The following ACO1 variants were observed in gnomAD, a reference collection of about 807,000 sequenced individuals.
The protein encoded by ACO1 is cytoplasmic aconitate hydratase.
A neutral mutation model predicts 105.1 loss-of-function variants in ACO1; 78 were observed. The ratio of observed to expected loss-of-function variants is 0.74; its 90% CI spans 0.62 to 0.90. ACO1 has a LOEUF of 0.90. ACO1 is among the 40% of genes least tolerant of loss of function. ACO1 has a pLI of 0.00. For synonymous variants in ACO1, 364 were observed against 397.4 expected (o/e 0.92, Z 1.00); for missense variants, 965 against 1,111.1 (o/e 0.87, Z 1.87).
At chr9:32,432,013 G>A (rs1031154578) in intron 15 of ACO1, among the ~76,000 whole-genome samples, 170 bp downstream of exon 15, 3 of 152,148 alleles carry the variant, frequency 2.0e-5, no homozygotes, top group African/African-American at 7.2e-5. Context: ...CCTGTGACTC[G>A]CATTTTTACA....
chr9:32,447,328 C>G (rs1180374251), intron 19 of ACO1, among the ~76,000 whole-genome samples: 2 of 152,150 alleles, frequency 1.3e-5, no homozygotes, highest in East Asian at 3.9e-4. Context: ...TCTTCAATCT[C>G]TGATATCTTT....
chr9:32,448,549 G>T (rs890328599), intron 19 of ACO1, among the ~76,000 whole-genome samples: 1 of 152,156 alleles, frequency 6.6e-6, no homozygotes, highest in Non-Finnish European at 1.5e-5. Context: ...GCAGTATCTG[G>T]GCCAGAGTGC....
At chr9:32,408,000 C>T (rs1251156860) in intron 3 of ACO1, among the ~76,000 whole-genome samples, 1 of 152,114 alleles carries the variant, frequency 6.6e-6, no homozygotes, top group Non-Finnish European at 1.5e-5. Context: ...TCTAGAGACC[C>T]AGTTTCATTT....
At chr9:32,399,807 A>T (rs1176540814) in intron 1 of ACO1, among the ~76,000 whole-genome samples, 4 of 148,536 alleles carry the variant, frequency 2.7e-5, no homozygotes, top group Admixed American at 6.7e-5. Flanking sequence ...AGGTCTAGTG[A>T]TTTTTTTTTT....
chr9:32,404,089 C>T (rs529184159), intron 1 of ACO1, among the ~76,000 whole-genome samples: 10 of 152,288 alleles, frequency 6.6e-5, no homozygotes, highest in Admixed American at 2.0e-4. Flanking sequence ...GCTTTCCCCT[C>T]TCCTGATTGG....
chr9:32,423,524 C>T, intron 9 of ACO1, 105 bp downstream of exon 9: 1 of 783,718 alleles, frequency 1.3e-6, no homozygotes, highest in Non-Finnish European at 2.1e-6. Flanking sequence ...TTAGTCACTG[C>T]CAAGGCATTA....
Position 32,419,089 on chromosome 9 carries a change from T to C in ACO1, c.710T>C (p.Met237Thr). ...EAVMLGQPIS[M>T]VLPQVIGYRL... The stretch of plus-strand genomic sequence containing the variant: ...GTCATGCTGGGTCAGCCAATCAGTA[T>C]GGTGCTTCCTCAGGTGATTGGCTAC... Residue 237 changes from methionine to threonine, a missense_variant, in exon 7 of 21, where the codon ATG (methionine) becomes ACG (threonine). By Grantham distance (81) the Met-to-Thr change is moderately conservative. Coordinates refer to ENST00000309951, the MANE Select transcript of ACO1 (RefSeq NM_002197.3). 5 of 1,610,252 alleles carry C rather than the reference T, an allele frequency of 3.1e-6. No homozygotes were observed. Among genetic ancestry groups the C allele is most frequent in the Non-Finnish European group, 4.2e-6 (5 of 1,178,142 alleles).
At position 32,430,510 on chromosome 9, in the gene ACO1, C is replaced by G; in HGVS notation, c.1662C>G (p.Pro554=). 6.2e-7 allele frequency: 1 copy of G among 1,611,402 alleles called. No individual in the cohort carries two copies. The change falls in exon 14 of 21, where the codon CCC becomes CCG. Residue 554 remains proline (P), a synonymous_variant. Transcript: ENST00000309951. ...PNTRANYLAS[P]PLVIAYAIAG... Reference sequence around the variant, plus strand: ...CCCGGGCCAACTATTTAGCCTCTCCCCCCTTAGTAATAGCATATGCAATTG... The same window carrying G: ...CCCGGGCCAACTATTTAGCCTCTCCGCCCTTAGTAATAGCATATGCAATTG...
chr9:32,424,506 G>C (rs746087542), intron 9 of ACO1, 43 bp from the exon 10 acceptor site: 1 of 1,354,870 alleles, frequency 7.4e-7, no homozygotes, highest in Admixed American at 1.9e-5. Context: ...CTCTTTGTGG[G>C]TATAATGTAA....
intron 18 of ACO1, 35 bp from the exon 19 acceptor site, chr9:32,440,430 C>T (rs778091928): frequency 1.9e-6 from 3 of 1,612,410 alleles, no homozygotes; most frequent in South Asian, 2.2e-5. Flanking sequence ...CTTTGCCTCT[C>T]CTGCATCTGT....
At position 32,454,697 on chromosome 9, in the gene ACO1, T is replaced by G. The variant is rs148609221; in HGVS notation, c.*4586T>G. 6.6e-6 allele frequency: 1 copy of G among 152,348 alleles called. No homozygotes were observed. Among genetic ancestry groups the G allele is most frequent in the Non-Finnish European group, 1.5e-5 (1 of 68,024 alleles). 9.4% of individuals were successfully genotyped at this position (152,348 alleles called of 1,614,324 possible). On this transcript the variant is annotated 3_prime_UTR_variant, in exon 21 of 21. Coordinates refer to ENST00000309951, the MANE Select transcript of ACO1 (RefSeq NM_002197.3). ...GCTCATTTCTTTCATTCAATACATA[T>G]TAACCAAGTGCCTACTTTGTTTGAG...
At chr9:32,431,885 G>A in intron 15 of ACO1, 42 bp downstream of exon 15, 1 of 1,610,200 alleles carries the variant, frequency 6.2e-7, no homozygotes, top group Non-Finnish European at 8.5e-7. Flanking sequence ...AGGATCTAAG[G>A]GAAAGCTGCT....
chr9:32,438,260 A>G (rs1353807921), intron 18 of ACO1, among the ~76,000 whole-genome samples: 1 of 152,242 alleles, frequency 6.6e-6, no homozygotes, highest in Non-Finnish European at 1.5e-5. Context: ...GTGCACTTAA[A>G]GTAATGACAC....
chr9:32,448,335 C>T (rs1822668149), intron 19 of ACO1, among the ~76,000 whole-genome samples: 1 of 152,198 alleles, frequency 6.6e-6, no homozygotes, highest in Non-Finnish European at 1.5e-5. Context: ...AGGGTAAAAC[C>T]ACCTACTCAA....
intron 8 of ACO1, 129 bp downstream of exon 8, chr9:32,421,156 T>TCCATGGAG: frequency 9.5e-7 from 1 of 1,048,916 alleles, no homozygotes; most frequent in Non-Finnish European, 1.4e-6. Flanking sequence ...TATTTTTTTC[T>TCCATGGAG]CCATGGAGTC....
rs1187863759 is a variant in ACO1, at chr9:32,450,298, G to A, written c.*187G>A. 2.9e-6 allele frequency: 2 copies of A among 689,084 alleles called. No homozygotes were observed. Among genetic ancestry groups the A allele is most frequent in the African/African-American group, 3.6e-5 (2 of 56,094 alleles). The allele number at this position is 689,084 out of a possible 1,614,324, so 42.7% of individuals were successfully genotyped here. On this transcript the variant is annotated 3_prime_UTR_variant, in exon 21 of 21. Transcript: ENST00000309951. ...AGAAGTTTCTACATTCTCTATTTTT[G>A]TTAATCATCTTCTCTTTTTCCAGAA...
chr9:32,420,786 A>G, intron 7 of ACO1, 70 bp from the exon 8 acceptor site: 1 of 1,520,914 alleles, frequency 6.6e-7, no homozygotes, highest in Non-Finnish European at 9.0e-7. Flanking sequence ...TAAGAAGTGC[A>G]AGATGGTAGT....
At chr9:32,441,249 G>A (rs966380367) in intron 19 of ACO1, among the ~76,000 whole-genome samples, 2 of 152,114 alleles carry the variant, frequency 1.3e-5, no homozygotes, top group African/African-American at 4.8e-5. Context: ...CCCATAGAAG[G>A]GGCCATGCAG....
At chr9:32,420,721 A>G in intron 7 of ACO1, 135 bp from the exon 8 acceptor site, 1 of 880,934 alleles carries the variant, frequency 1.1e-6, no homozygotes, top group South Asian at 2.0e-5. Context: ...TTTGAAAGTG[A>G]TCACAAATGT....
Sources: allele counts gnomAD v4.1 joint callset (sites outside exome capture counted in the v4.1 genomes callset), GRCh38; gene constraint gnomAD v4.1.1; transcripts MANE v1.5; gene names NCBI Gene and HGNC (gene_info 2026-07-23, HGNC 2026-07-21).